Variants in ASTN2 observed in about 807,000 individuals in gnomAD.
ASTN2 encodes the protein astrotactin-2.
In ASTN2, 54 loss-of-function variants were observed where a neutral mutation model predicts 139.8. That is an observed-to-expected ratio of 0.39 (90% CI 0.31 to 0.48). The LOEUF is 0.48. ASTN2 is among the 20% of genes least tolerant of loss of function. The pLI, the probability that ASTN2 is intolerant of heterozygous loss-of-function variation, is 0.95. For missense variants in ASTN2, 1,565 were observed against 1,725.1 expected (o/e 0.91, Z 1.64); for synonymous variants, 756 against 719.5 (o/e 1.05, Z -0.81).
chr9:116,445,010 C>T (rs1047203137), intron 20 of ASTN2, among the ~76,000 whole-genome samples: 2 of 152,132 alleles, frequency 1.3e-5, no homozygotes, highest in Non-Finnish European at 2.9e-5. Flanking sequence ...ACTTATCATC[C>T]ACATATGGAC....
At chr9:117,008,013 T>C (rs1350018213) in intron 7 of ASTN2, 79 bp downstream of exon 7, 2 of 1,417,744 alleles carry the variant, frequency 1.4e-6, no homozygotes, top group Non-Finnish European at 1.9e-6. Context: ...TCCATGGTTC[T>C]TTAGGTAGAG....
chr9:116,550,113 C>T (rs1852277066), intron 19 of ASTN2, among the ~76,000 whole-genome samples: 1 of 152,208 alleles, frequency 6.6e-6, no homozygotes, highest in Non-Finnish European at 1.5e-5. Context: ...TCTTCTACAA[C>T]TCCACATCAA....
chr9:117,263,601 T>C (rs1833874169), intron 2 of ASTN2, among the ~76,000 whole-genome samples: 1 of 152,206 alleles, frequency 6.6e-6, no homozygotes, highest in Non-Finnish European at 1.5e-5. Flanking sequence ...TTAACTCCTA[T>C]TTCACCTTGG....
At chr9:116,730,092 T>A (rs2132122344) in intron 14 of ASTN2, among the ~76,000 whole-genome samples, 1 of 152,350 alleles carries the variant, frequency 6.6e-6, no homozygotes, top group East Asian at 1.9e-4. Flanking sequence ...GCAAACTCTC[T>A]TTTTTATAAG....
chr9:116,980,208 T>C (rs746799949), intron 7 of ASTN2, among the ~76,000 whole-genome samples: 9 of 151,962 alleles, frequency 5.9e-5, no homozygotes, highest in Non-Finnish European at 1.0e-4. Flanking sequence ...ATAGGGATGA[T>C]AGCAATGTCC....
intron 2 of ASTN2, among the ~76,000 whole-genome samples, chr9:117,283,425 G>GA (rs141288093): frequency 0.066 from 9,906 of 150,872 alleles, 1,070 homozygotes; most frequent in African/African-American, 0.22. Context: ...CTACTTTCTG[G>GA]AAAAAAAAAC....
chr9:116,726,956 CT>C (rs1828641877), intron 15 of ASTN2, among the ~76,000 whole-genome samples: 1 of 151,764 alleles, frequency 6.6e-6, no homozygotes, highest in African/African-American at 2.4e-5. Flanking sequence ...ATTATTTATC[CT>C]GAATGTGACC....
At chr9:117,338,788 T>C (rs1416602955) in intron 1 of ASTN2, among the ~76,000 whole-genome samples, 1 of 151,840 alleles carries the variant, frequency 6.6e-6, no homozygotes, top group South Asian at 2.1e-4. Flanking sequence ...AGCAAAAAAA[T>C]GCAATAACTT....
chr9:117,022,422 T>C (rs17398047), intron 6 of ASTN2, among the ~76,000 whole-genome samples: 30,636 of 148,226 alleles, frequency 0.21, 3,340 homozygotes, highest in South Asian at 0.35. Context: ...TGAGAAATAG[T>C]CATGTACAGT....
intron 1 of ASTN2, among the ~76,000 whole-genome samples, chr9:117,326,816 T>C (rs1313414371): frequency 6.6e-6 from 1 of 152,080 alleles, no homozygotes; most frequent in Non-Finnish European, 1.5e-5. Context: ...GCTGAATCTA[T>C]ATGGAAGTGA....
At chr9:117,303,078 T>A (rs1834915093) in intron 1 of ASTN2, among the ~76,000 whole-genome samples, 1 of 152,046 alleles carries the variant, frequency 6.6e-6, no homozygotes, top group African/African-American at 2.4e-5. Flanking sequence ...GCCCTCTCCC[T>A]CTCCTGAGCC....
chr9:117,244,595 GAGGGAGGGAGGA>G (rs1833318006), intron 2 of ASTN2, among the ~76,000 whole-genome samples: 2 of 125,198 alleles, frequency 1.6e-5, no homozygotes, highest in African/African-American at 6.1e-5. Context: ...GGGAGGGAGG[GAGGGAGGGAGGA>G]GAGGGAGGGA....
chr9:117,048,963 C>CTTTTTTTTGTTTTTTTTTTT (rs1838829762), intron 5 of ASTN2, among the ~76,000 whole-genome samples: 1 of 89,016 alleles, frequency 1.1e-5, no homozygotes, highest in African/African-American at 4.0e-5. Flanking sequence ...TCATCCATTG[C>CTTTTTTTTGTTTTTTTTTTT]TTTTTTTTTT....
At chr9:117,048,386 G>A (rs755359367) in intron 5 of ASTN2, among the ~76,000 whole-genome samples, 1 of 152,214 alleles carries the variant, frequency 6.6e-6, no homozygotes, top group Non-Finnish European at 1.5e-5. Flanking sequence ...TGGGCCTGAA[G>A]CAGCTCACTG....
Position 116,651,626 on chromosome 9 carries a change from G to T in ASTN2, c.2974C>A (p.Arg992=). 1 of 1,614,112 alleles carries T rather than the reference G, an allele frequency of 6.2e-7. No individual in the cohort carries two copies. Among genetic ancestry groups the T allele is most frequent in the Non-Finnish European group, 8.5e-7 (1 of 1,180,014 alleles). Residue 992 remains arginine (R), a synonymous_variant, in exon 17 of 23, where the codon CGG becomes AGG. Coordinates refer to ENST00000313400, the MANE Select transcript of ASTN2 (RefSeq NM_001365068.1). The part of the protein sequence containing the change: ...RCPSTCHLCR[R]PGKEQLSPTP... ...GGGCTCAGCTGCTCCTTGCCTGGCC[G>T]GCGGCAAAGGTGACAGGTAGATGGA...
chr9:116,791,000 AAAGAAAGAAAG>A (rs1830530794), intron 13 of ASTN2, among the ~76,000 whole-genome samples: 1 of 122,524 alleles, frequency 8.2e-6, no homozygotes, highest in Admixed American at 8.7e-5. Flanking sequence ...AGAAAGAAAG[AAAGAAAGAAAG>A]AAAGAAAGAA....
intron 1 of ASTN2, among the ~76,000 whole-genome samples, chr9:117,403,850 A>C (rs934997670): frequency 6.6e-6 from 1 of 152,012 alleles, no homozygotes; most frequent in Non-Finnish European, 1.5e-5. Flanking sequence ...TGCTTCCCCC[A>C]GCTTCCCCCA....
chr9:117,240,815 G>A (rs900758083), intron 2 of ASTN2, among the ~76,000 whole-genome samples: 1 of 152,128 alleles, frequency 6.6e-6, no homozygotes, highest in Admixed American at 6.5e-5. Flanking sequence ...ATAGCATATG[G>A]GGGGCTTGAC....
At chr9:117,071,519 T>C (rs1459813093) in intron 5 of ASTN2, among the ~76,000 whole-genome samples, 3 of 150,156 alleles carry the variant, frequency 2.0e-5, no homozygotes, top group Admixed American at 6.6e-5. Context: ...CAGGCCTCCT[T>C]GAGCTGTGGT....
Sources: allele counts gnomAD v4.1 joint callset (sites outside exome capture counted in the v4.1 genomes callset), GRCh38; gene constraint gnomAD v4.1.1; transcripts MANE v1.5; gene names NCBI Gene and HGNC (gene_info 2026-07-23, HGNC 2026-07-21).